The following THSD7A variants were observed in gnomAD, a reference collection of about 807,000 sequenced individuals.
THSD7A encodes thrombospondin type-1 domain-containing protein 7A.
Under a neutral mutation model 231.3 loss-of-function variants are expected in THSD7A, and 96 were observed. The ratio of observed to expected loss-of-function variants is 0.41; its 90% CI spans 0.35 to 0.49. The LOEUF (loss-of-function observed/expected upper bound fraction) is 0.49. THSD7A is among the 20% of genes least tolerant of loss of function. The pLI, the probability that THSD7A is intolerant of heterozygous loss-of-function variation, is 0.05. For missense variants in THSD7A, 2,290 were observed against 2,070.2 expected (o/e 1.11, Z -2.06); for synonymous variants, 940 against 743.3 (o/e 1.26, Z -4.30).
chr7:11,700,181 T>C (rs535897110), intron 1 of THSD7A, among the ~76,000 whole-genome samples: 1 of 151,374 alleles, frequency 6.6e-6, no homozygotes, highest in East Asian at 2.0e-4. Context: ...TGGACTTTTA[T>C]GGCTGAAGAT....
chr7:11,437,643 T>A (rs995828201), intron 13 of THSD7A, among the ~76,000 whole-genome samples: 1 of 152,068 alleles, frequency 6.6e-6, no homozygotes, highest in Non-Finnish European at 1.5e-5. Flanking sequence ...TTGGAGAAAT[T>A]AGGACTCCAT....
intron 17 of THSD7A, among the ~76,000 whole-genome samples, chr7:11,416,639 C>T (rs1159070234): frequency 6.6e-6 from 1 of 152,140 alleles, no homozygotes; most frequent in African/African-American, 2.4e-5. Flanking sequence ...CCATAAAATC[C>T]TCTTTGAAAT....
chr7:11,470,956 T>C (rs61296856), intron 8 of THSD7A, among the ~76,000 whole-genome samples: 8,314 of 151,962 alleles, frequency 0.055, 714 homozygotes, highest in African/African-American at 0.18. Context: ...ATTCAAAATA[T>C]ACTTAGTATA....
intron 6 of THSD7A, among the ~76,000 whole-genome samples, chr7:11,507,742 G>T (rs796685599): frequency 5.3e-5 from 8 of 152,022 alleles, no homozygotes; most frequent in African/African-American, 1.9e-4. Context: ...TACAGTGGAA[G>T]AAATATTTGG....
At chr7:11,658,479 T>C (rs1187489623) in intron 1 of THSD7A, among the ~76,000 whole-genome samples, 1 of 151,638 alleles carries the variant, frequency 6.6e-6, no homozygotes, top group Non-Finnish European at 1.5e-5. Context: ...ACTTATTATT[T>C]CAATGGCATT....
In THSD7A at chr7:11,383,205, A is replaced by G. The variant is rs541731792; in HGVS notation, c.4412-589T>C. Among the ~76,000 whole-genome samples, 7 of 152,014 alleles carry G rather than the reference A, an allele frequency of 4.6e-5. No individual in the cohort carries two copies. The South Asian group carries it at 1.2e-3, about 27-fold the overall frequency. On this transcript the variant is annotated intron_variant, in intron 23 of 27. Transcript: ENST00000423059. Reference sequence around the variant, plus strand: ...TGGTATTACTTTCATACAGTCATAAATTTTAAAAATGTATCCTATTCTGTG... The same window carrying G: ...TGGTATTACTTTCATACAGTCATAAGTTTTAAAAATGTATCCTATTCTGTG...
chr7:11,818,963 G>A (rs1784790780), intron 1 of THSD7A, among the ~76,000 whole-genome samples: 1 of 152,104 alleles, frequency 6.6e-6, no homozygotes, highest in African/African-American at 2.4e-5. Flanking sequence ...ACTCTGGACT[G>A]AGACTTTGAA....
intron 11 of THSD7A, among the ~76,000 whole-genome samples, chr7:11,450,854 A>G (rs1785119655): frequency 6.6e-6 from 1 of 152,136 alleles, no homozygotes; most frequent in South Asian, 2.1e-4. Context: ...ATGTTACCCT[A>G]CAGATAATTC....
In THSD7A at chr7:11,637,705, T is replaced by C. The variant is rs1045524811; in HGVS notation, c.191-744A>G. On this transcript the variant is annotated intron_variant, in intron 1 of 27. Coordinates refer to ENST00000423059, the MANE Select transcript of THSD7A (RefSeq NM_015204.3). The surrounding 1 kb of genome is among the most constrained non-coding windows in gnomAD (Gnocchi z 4.2). Reference sequence around the variant, plus strand: ...TTTGGGGTCTTATTTATTTATTCATTTCTTAAACATGAACTATTTGGTATT... The same window carrying C: ...TTTGGGGTCTTATTTATTTATTCATCTCTTAAACATGAACTATTTGGTATT... 6.6e-6 allele frequency among the ~76,000 whole-genome samples: 1 copy of C among 152,218 alleles called. No homozygotes were observed. The highest frequency in any genetic ancestry group is 1.5e-5 in the Non-Finnish European group (1 of 68,042).
At chr7:11,666,202 T>C (rs930721849) in intron 1 of THSD7A, among the ~76,000 whole-genome samples, 2 of 152,054 alleles carry the variant, frequency 1.3e-5, no homozygotes, top group African/African-American at 4.8e-5. Context: ...GTTTTGAACT[T>C]CAGATATTGT....
intron 1 of THSD7A, among the ~76,000 whole-genome samples, chr7:11,713,959 T>A (rs1562497011): frequency 6.6e-6 from 1 of 151,084 alleles, no homozygotes; most frequent in African/African-American, 2.4e-5. Flanking sequence ...TATATTAGAA[T>A]AGAAAGGTAA....
chr7:11,797,527 C>T (rs1352684416), intron 1 of THSD7A, among the ~76,000 whole-genome samples: 1 of 151,588 alleles, frequency 6.6e-6, no homozygotes, highest in Non-Finnish European at 1.5e-5. Flanking sequence ...AGTAATCCTC[C>T]CACCTCAGCC....
chr7:11,569,087 A>G (rs1244846508), intron 4 of THSD7A, among the ~76,000 whole-genome samples: 1 of 152,094 alleles, frequency 6.6e-6, no homozygotes, highest in Admixed American at 6.5e-5. Flanking sequence ...CTATAAAATG[A>G]CTAGAAGAAA....
At chr7:11,558,971 G>T (rs1789964042) in intron 4 of THSD7A, among the ~76,000 whole-genome samples, 1 of 117,616 alleles carries the variant, frequency 8.5e-6, no homozygotes, top group Non-Finnish European at 1.9e-5. Flanking sequence ...TTAGAAAGAT[G>T]AGATGGAAGA....
rs560340404 is a variant in THSD7A, at chr7:11,594,807, A to C, written c.1023-1305T>G. The stretch of plus-strand genomic sequence containing the variant: ...GCCGAAATTGTGGAAAAACAGACAC[A>C]AGCTCTTATCATGTGAGTGGGTCAT... On this transcript the variant is annotated intron_variant, in intron 2 of 27. Coordinates refer to ENST00000423059, the MANE Select transcript of THSD7A (RefSeq NM_015204.3). Among the ~76,000 whole-genome samples, 13 of 152,314 alleles carry C rather than the reference A, an allele frequency of 8.5e-5. 1 individual carries two copies. The South Asian group carries it at 2.7e-3, about 32-fold the overall frequency.
intron 6 of THSD7A, 29 bp downstream of exon 6, chr7:11,541,390 T>C (rs1562700428): frequency 1.2e-6 from 2 of 1,608,756 alleles, no homozygotes; most frequent in Non-Finnish European, 8.5e-7. Flanking sequence ...TGGACATCCA[T>C]AAAAACATAA....
chr7:11,659,195 A>G (rs1383801644), intron 1 of THSD7A, among the ~76,000 whole-genome samples: 5 of 151,706 alleles, frequency 3.3e-5, no homozygotes, highest in Non-Finnish European at 5.9e-5. Context: ...GTAGTTTATG[A>G]ATGTGCTAAA....
chr7:11,532,406 G>A (rs1583918648), intron 6 of THSD7A, among the ~76,000 whole-genome samples: 1 of 152,142 alleles, frequency 6.6e-6, no homozygotes, highest in East Asian at 1.9e-4. Flanking sequence ...TCTAAAACAA[G>A]TAGAATTGGC....
Position 11,590,658 on chromosome 7 carries a change from C to A in THSD7A, c.1272-17G>T, listed in dbSNP as rs778840186. On this transcript the variant is annotated splice_polypyrimidine_tract_variant and intron_variant, in intron 3 of 27. Coordinates refer to ENST00000423059, the MANE Select transcript of THSD7A (RefSeq NM_015204.3). The surrounding 1 kb of genome is among the most constrained non-coding windows in gnomAD (Gnocchi z 4.4). Reference sequence around the variant, plus strand: ...CAGCCATACCTAAATAAAGACAACACCACCAGCAGCAACCATAATTATTGA... The same window carrying A: ...CAGCCATACCTAAATAAAGACAACAACACCAGCAGCAACCATAATTATTGA... 1.3e-5 allele frequency: 21 copies of A among 1,580,694 alleles called. 1 individual carries two copies. In the East Asian group the frequency reaches 2.5e-4, roughly 19 times the overall value.
Sources: gnomAD v4.1 joint callset for allele counts (sites outside exome capture counted in the v4.1 genomes callset) on GRCh38, gnomAD v4.1.1 for gene constraint, Gnocchi (gnomAD v3.1) non-coding constraint, MANE v1.5 for transcripts, NCBI Gene and HGNC (gene_info 2026-07-23, HGNC 2026-07-21) for gene names.